The following PRRT4 variants were observed in gnomAD, a reference collection of about 807,000 sequenced individuals.
PRRT4 encodes proline-rich transmembrane protein 4.
Under a neutral mutation model 55.6 loss-of-function variants are expected in PRRT4, and 59 were observed. The ratio of observed to expected loss-of-function variants is 1.06; its 90% CI spans 0.86 to 1.32. PRRT4 has a LOEUF of 1.32. Among genes scored for constraint, PRRT4 ranks in the 40% most tolerant of loss-of-function variants. The pLI, the probability that PRRT4 is intolerant of heterozygous loss-of-function variation, is 0.00. For missense variants in PRRT4, 1,217 were observed against 1,222.0 expected, an observed-to-expected ratio of 1.00 and a Z score of 0.06; for synonymous variants, 606 against 601.8, an observed-to-expected ratio of 1.01 and a Z score of -0.10.
intron 4 of PRRT4, among the ~76,000 whole-genome samples, chr7:128,357,234 ACACTCTCTCTCT>A (rs1405012178): frequency 1.6e-5 from 2 of 122,134 alleles, no homozygotes; most frequent in African/African-American, 3.3e-5. Context: ...ACACACACAC[ACACTCTCTCTCT>A]CTCTCTCTCT....
In PRRT4 at chr7:128,358,770, G is replaced by A; in HGVS notation, c.788C>T (p.Pro263Leu). The A allele has an allele frequency of 1.9e-6, 3 of 1,551,132 alleles. No individual in the cohort carries two copies. Among genetic ancestry groups the A allele is most frequent in the Non-Finnish European group, 2.6e-6 (3 of 1,146,700 alleles). The change falls in exon 4 of 5, where the codon CCA becomes CTA. Residue 263 changes from proline to leucine, a missense_variant. Transcript: ENST00000535159. This position sits in a 1 kb window ranked among gnomAD's most constrained non-coding sequence, Gnocchi z 4.4. ...GGAGAGCTTCCTCTCCAGGGAGTAT[G>A]GGGGCAGGGACAGAGTGGTACCAAG...
chr7:128,351,262 G>T, exon 5 of PRRT4: 3 of 1,539,958 alleles, frequency 1.9e-6, no homozygotes, highest in Non-Finnish European at 2.6e-6. Context: ...CCCCAGCGAG[G>T]CGGTGCGGTA....
intron 1 of PRRT4, among the ~76,000 whole-genome samples, chr7:128,360,651 A>G (rs2116505338): frequency 6.6e-6 from 1 of 152,148 alleles, no homozygotes; most frequent in African/African-American, 2.4e-5. Flanking sequence ...CCAATCTGGC[A>G]GAAGCACCCT....
chr7:128,351,349 A>T lies in PRRT4; in HGVS notation c.2207T>A (p.Leu736His), dbSNP rs749653070. The change falls in exon 5 of 5, where the codon CTC becomes CAC. Residue 736 changes from leucine to histidine, a missense_variant. By Grantham distance (99) the Leu-to-His change is moderately conservative. Around this residue, in one of 3 missense-constraint regions of PRRT4, gnomAD observed 642 missense variants for 600.9 expected, o/e 1.07. Coordinates refer to ENST00000535159, the Ensembl canonical transcript of PRRT4. ...AGGCGCAAGCAGGGCCTCGCTGCAGAGGGCCTCCTCGATGCTGCGTCGCAG... is the reference window on the plus strand; with the variant it reads ...AGGCGCAAGCAGGGCCTCGCTGCAGTGGGCCTCCTCGATGCTGCGTCGCAG... 2.6e-6 allele frequency: 4 copies of T among 1,547,220 alleles called. No homozygotes were observed. The South Asian group carries it at 3.6e-5, about 14-fold the overall frequency.
At chr7:128,353,650 C>T (rs936174382) in intron 4 of PRRT4, among the ~76,000 whole-genome samples, 1 of 152,186 alleles carries the variant, frequency 6.6e-6, no homozygotes, top group African/African-American at 2.4e-5. Flanking sequence ...ATATAGATGG[C>T]TCCATGCTTC....
In PRRT4 at chr7:128,351,828, G is replaced by T. The variant is rs537004624; in HGVS notation, c.1728C>A (p.Gly576=). The T allele has an allele frequency of 1.6e-3, 2,280 of 1,386,836 alleles. 3 individuals carry two copies. Among genetic ancestry groups the T allele is most frequent in the Admixed American group, 2.7e-3 (74 of 26,924 alleles). 85.9% of individuals were successfully genotyped at this position (1,386,836 alleles called of 1,614,324 possible). A position where few individuals can be genotyped will look rare whatever the true frequency, so the allele number is the denominator to read the frequency against. Residue 576 remains glycine (G), a synonymous_variant, in exon 5 of 5, where the codon GGC becomes GGA. Coordinates refer to ENST00000535159, the Ensembl canonical transcript of PRRT4. ...AGCCCAGGGCGTGCAGCACCTCATA[G>T]CCCTGCAGGGCTCCGCTCAGCAGCC...
At chr7:128,352,036 G>A in exon 5 of PRRT4, 3 of 1,300,800 alleles carry the variant, frequency 2.3e-6, no homozygotes, top group South Asian at 2.0e-5. Context: ...GGAAAGGAAA[G>A]CGGCGAGAAA....
intron 4 of PRRT4, among the ~76,000 whole-genome samples, chr7:128,353,317 G>T (rs999595438): frequency 6.6e-6 from 1 of 152,032 alleles, no homozygotes; most frequent in African/African-American, 2.4e-5. Flanking sequence ...TAACATTAGT[G>T]TGCTTATCTC....
At chr7:128,360,474 C>T (rs1049547008) in intron 1 of PRRT4, among the ~76,000 whole-genome samples, 1 of 152,198 alleles carries the variant, frequency 6.6e-6, no homozygotes, top group Non-Finnish European at 1.5e-5. Context: ...CAAGCCCTTC[C>T]GATGTCTTGA....
exon 2 of PRRT4, chr7:128,359,521 A>T (rs1411755093): frequency 1.6e-5 from 23 of 1,476,142 alleles, no homozygotes; most frequent in Admixed American, 7.8e-5. Flanking sequence ...CCATCAGAGC[A>T]GTGTCCCAGG....
At chr7:128,356,306 A>G (rs1797110820) in intron 4 of PRRT4, among the ~76,000 whole-genome samples, 1 of 152,186 alleles carries the variant, frequency 6.6e-6, no homozygotes, top group Non-Finnish European at 1.5e-5. Flanking sequence ...AGGAATAAAA[A>G]CCAGATAATA....
In PRRT4 at chr7:128,351,801, G is replaced by A. The variant is rs148769759; in HGVS notation, c.1755C>T (p.Tyr585=). Residue 585 remains tyrosine, a synonymous_variant, in exon 5 of 5, where the codon TAC becomes TAT. Transcript: ENST00000535159. ...GCCCTTCCAGGCCGGATTGGCCGCC[G>A]TAGCCCAGGGCGTGCAGCACCTCAT... 5.6e-6 allele frequency: 8 copies of A among 1,419,098 alleles called. No individual in the cohort carries two copies. In the East Asian group the frequency reaches 2.3e-4, roughly 41 times the overall value. The allele number at this position is 1,419,098 out of a possible 1,614,324, so 87.9% of individuals were successfully genotyped here. A position where few individuals can be genotyped will look rare whatever the true frequency, so the allele number is the denominator to read the frequency against.
intron 4 of PRRT4, among the ~76,000 whole-genome samples, chr7:128,355,220 C>T (rs1797088926): frequency 6.6e-6 from 1 of 152,122 alleles, no homozygotes; most frequent in Non-Finnish European, 1.5e-5. Flanking sequence ...GCTTTTGAGA[C>T]AGAGTCTCAC....
chr7:128,359,413 C>T (rs1423157470), exon 2 of PRRT4: 6 of 1,465,648 alleles, frequency 4.1e-6, no homozygotes, highest in Non-Finnish European at 5.4e-6. Flanking sequence ...GCGTTCGATG[C>T]CCAAGCGTGG....
chr7:128,351,319 A>G, exon 5 of PRRT4: 1 of 1,545,610 alleles, frequency 6.5e-7, no homozygotes, highest in Non-Finnish European at 8.7e-7. Context: ...GCCCTGGAAG[A>G]GGCCAGGCGC....
At chr7:128,353,036 C>G (rs73458954) in intron 4 of PRRT4, among the ~76,000 whole-genome samples, 2 of 151,828 alleles carry the variant, frequency 1.3e-5, no homozygotes, top group South Asian at 4.2e-4. Flanking sequence ...CCAGTTCAAT[C>G]CCCCCACCAG....
At chr7:128,357,525 T>A (rs1487313675) in intron 4 of PRRT4, among the ~76,000 whole-genome samples, 2 of 152,094 alleles carry the variant, frequency 1.3e-5, no homozygotes, top group Non-Finnish European at 2.9e-5. Flanking sequence ...AACTGCCCCC[T>A]ACCCCCAATC....
exon 5 of PRRT4, chr7:128,351,911 C>T (rs142425872): frequency 7.6e-7 from 1 of 1,318,794 alleles, no homozygotes; most frequent in Non-Finnish European, 9.6e-7. Context: ...TCCCGAGGGG[C>T]GAAGGGGCTG....
exon 5 of PRRT4, chr7:128,352,273 A>T: frequency 6.5e-7 from 1 of 1,543,338 alleles, no homozygotes; most frequent in Non-Finnish European, 8.7e-7. Context: ...GAGCGCGGGC[A>T]GTCGATCCCT....
Sources: allele counts gnomAD v4.1 joint callset (sites outside exome capture counted in the v4.1 genomes callset), GRCh38; gene constraint gnomAD v4.1.1; regional missense constraint gnomAD v4.1.1; non-coding constraint Gnocchi (gnomAD v3.1); transcripts MANE v1.5; gene names NCBI Gene and HGNC (gene_info 2026-07-23, HGNC 2026-07-21).